The following NCAM2 variants were observed in gnomAD, a reference collection of about 807,000 sequenced individuals.
The protein encoded by NCAM2 is N-CAM-2.
A neutral mutation model predicts 98.1 loss-of-function variants in NCAM2; 30 were observed. The ratio of observed to expected loss-of-function variants is 0.31; its 90% CI spans 0.23 to 0.41. The LOEUF (loss-of-function observed/expected upper bound fraction) is 0.41. NCAM2 is among the 10% of genes least tolerant of loss of function. NCAM2 has a pLI of 1.00. For synonymous variants in NCAM2, 368 were observed against 342.4 expected (o/e 1.07, Z -0.83); for missense variants, 867 against 1,005.8 (o/e 0.86, Z 1.87).
chr21:21,225,822 A>G (rs2147156331), intron 1 of NCAM2, among the ~76,000 whole-genome samples: 1 of 152,148 alleles, frequency 6.6e-6, no homozygotes, highest in Admixed American at 6.6e-5. Flanking sequence ...ATACTTATCT[A>G]TTGTCATACG....
At chr21:21,087,336 A>G (rs2065924687) in intron 1 of NCAM2, among the ~76,000 whole-genome samples, 1 of 152,170 alleles carries the variant, frequency 6.6e-6, no homozygotes, top group African/African-American at 2.4e-5. Flanking sequence ...GAGCCAAGTC[A>G]TGAGACCGAG....
intron 15 of NCAM2, among the ~76,000 whole-genome samples, chr21:21,485,253 C>T (rs910111035): frequency 2.0e-5 from 3 of 151,906 alleles, no homozygotes; most frequent in Admixed American, 6.6e-5. Context: ...TGCAATTTTC[C>T]CAGAATGAAT....
intron 15 of NCAM2, among the ~76,000 whole-genome samples, chr21:21,503,804 AT>A (rs1222040114): frequency 6.6e-6 from 1 of 151,912 alleles, no homozygotes; most frequent in Non-Finnish European, 1.5e-5. Flanking sequence ...AGGGAAACTG[AT>A]TCTCACAGTT....
chr21:21,425,547 G>T (rs2077198632), intron 11 of NCAM2, among the ~76,000 whole-genome samples: 1 of 152,038 alleles, frequency 6.6e-6, no homozygotes, highest in Non-Finnish European at 1.5e-5. Flanking sequence ...TATCTTGGTA[G>T]TGAATGAACA....
At chr21:21,410,190 A>G (rs2076827695) in intron 9 of NCAM2, 84 bp from the exon 10 acceptor site, 4 of 749,214 alleles carry the variant, frequency 5.3e-6, no homozygotes, top group Non-Finnish European at 7.7e-6. Flanking sequence ...TTTATACAGT[A>G]GAAATAACTA....
chr21:21,357,852 A>G (rs949121628), intron 8 of NCAM2, among the ~76,000 whole-genome samples: 1 of 152,154 alleles, frequency 6.6e-6, no homozygotes, highest in African/African-American at 2.4e-5. Context: ...AGTTTAATAT[A>G]AAAATCAAAT....
intron 5 of NCAM2, among the ~76,000 whole-genome samples, chr21:21,311,748 A>G (rs533383896): frequency 4.0e-5 from 6 of 151,170 alleles, no homozygotes; most frequent in Non-Finnish European, 7.4e-5. Context: ...ATTGGTACCT[A>G]AGTGTGATAG....
At chr21:21,365,022 T>TCAGGC (rs1166389710) in intron 8 of NCAM2, among the ~76,000 whole-genome samples, 1 of 152,088 alleles carries the variant, frequency 6.6e-6, no homozygotes, top group Non-Finnish European at 1.5e-5. Context: ...GAGAGAGATT[T>TCAGGC]CAGGCGGGAG....
chr21:21,183,743 A>G (rs1289512837), intron 1 of NCAM2, among the ~76,000 whole-genome samples: 3 of 152,168 alleles, frequency 2.0e-5, no homozygotes, highest in Non-Finnish European at 2.9e-5. Flanking sequence ...TACTTGTTCT[A>G]TGCATTGTTA....
At chr21:21,250,281 G>A (rs961653152) in intron 1 of NCAM2, among the ~76,000 whole-genome samples, 1 of 152,128 alleles carries the variant, frequency 6.6e-6, no homozygotes, top group Admixed American at 6.5e-5. Context: ...AAGCACTATG[G>A]TCCTTCTCAA....
chr21:21,429,807 C>G (rs7282537), intron 11 of NCAM2, among the ~76,000 whole-genome samples: 2,458 of 152,242 alleles, frequency 0.016, 74 homozygotes, highest in African/African-American at 0.057. Context: ...ACATCATGTA[C>G]TTCATAGGCT....
chr21:21,194,947 T>A (rs954894977), intron 1 of NCAM2, among the ~76,000 whole-genome samples: 1 of 152,184 alleles, frequency 6.6e-6, no homozygotes, highest in Non-Finnish European at 1.5e-5. Context: ...ATCACTTCAG[T>A]CTCTGCTTCT....
chr21:21,247,796 G>T (rs1005187289), intron 1 of NCAM2, among the ~76,000 whole-genome samples: 1 of 152,120 alleles, frequency 6.6e-6, no homozygotes, highest in African/African-American at 2.4e-5. Context: ...AATTATCATA[G>T]TAGGAATCAA....
chr21:21,225,952 A>G (rs73316749), intron 1 of NCAM2, among the ~76,000 whole-genome samples: 2,987 of 152,224 alleles, frequency 0.02, 99 homozygotes, highest in African/African-American at 0.068. Flanking sequence ...GGTGGTACAT[A>G]CACACCATAG....
At chr21:21,496,610 A>G (rs1450580440) in intron 15 of NCAM2, among the ~76,000 whole-genome samples, 4 of 152,054 alleles carry the variant, frequency 2.6e-5, no homozygotes, top group African/African-American at 7.2e-5. Flanking sequence ...GAAGCTCTTT[A>G]GTTGAATTAG....
intron 1 of NCAM2, among the ~76,000 whole-genome samples, chr21:21,104,473 TG>T (rs1284848167): frequency 6.6e-6 from 1 of 152,204 alleles, no homozygotes; most frequent in Non-Finnish European, 1.5e-5. Flanking sequence ...GCCAAGCATT[TG>T]TTTCATGCAC....
chr21:21,056,523 T>TGCGCGCGC lies in NCAM2; in HGVS notation c.55+57907_55+57908insGCGCGCGC, dbSNP rs139613040. ...GTGTGTGTGTGTGTGTGTGTGTGTGTGCATGAGAGAGGGGGAGAGAGAGGA... is the reference window on the plus strand; with the variant it reads ...GTGTGTGTGTGTGTGTGTGTGTGTGTGCGCGCGCGCATGAGAGAGGGGGAGAGAGAGGA... On this transcript the variant is annotated intron_variant, in intron 1 of 17. Transcript: ENST00000400546. 1.7e-3 allele frequency among the ~76,000 whole-genome samples: 254 copies of TGCGCGCGC among 145,400 alleles called. 3 individuals carry two copies. Among genetic ancestry groups the TGCGCGCGC allele is most frequent in the African/African-American group, 6.1e-3 (243 of 39,604 alleles).
Position 21,138,221 on chromosome 21 carries a change from GT to G in NCAM2, c.55+139604del, listed in dbSNP as rs1301585980. ...GTCTTCACTGATTGTAAGGCTGAAG[GT>G]GGAAGAAAAACGTCCTTACTAGTAT... On this transcript the variant is annotated intron_variant, in intron 1 of 17. Coordinates refer to ENST00000400546, the MANE Select transcript of NCAM2 (RefSeq NM_004540.5). 3.9e-5 allele frequency among the ~76,000 whole-genome samples: 6 copies of G among 152,240 alleles called. No homozygotes were observed. In the South Asian group the frequency reaches 8.3e-4, roughly 21 times the overall value.
chr21:21,435,339 A>G (rs1425917341), intron 12 of NCAM2, among the ~76,000 whole-genome samples: 1 of 152,118 alleles, frequency 6.6e-6, no homozygotes, highest in East Asian at 1.9e-4. Flanking sequence ...TGCAAATATC[A>G]TATCTCTCCT....
Sources: allele counts gnomAD v4.1 joint callset (sites outside exome capture counted in the v4.1 genomes callset), GRCh38; gene constraint gnomAD v4.1.1; transcripts MANE v1.5; gene names NCBI Gene and HGNC (gene_info 2026-07-23, HGNC 2026-07-21).